MCM10: variants seen among roughly 807,000 people sequenced by gnomAD.
The protein encoded by MCM10 is minichromosome maintenance 10 replication initiation factor, also known as protein MCM10 homolog.
In MCM10, 91 loss-of-function variants were observed where a neutral mutation model predicts 109.9. That is an observed-to-expected ratio of 0.83 (90% CI 0.70 to 0.99). The LOEUF is 0.99. Ranked by LOEUF, MCM10 falls within the 50% of genes least tolerant of loss-of-function variation. The pLI is 0.00. For missense variants in MCM10, 1,077 were observed against 1,061.2 expected (o/e 1.01, Z -0.21); for synonymous variants, 380 against 387.2 (o/e 0.98, Z 0.22).
chr10:13,204,614 A>C (rs529781469), intron 18 of MCM10: 2 of 388,474 alleles, frequency 5.1e-6, no homozygotes, highest in African/African-American at 4.0e-5. Flanking sequence ...TGTTGAATAA[A>C]TAAGTGAAGA....
At chr10:13,207,005 G>A (rs1475246076) in intron 18 of MCM10, among the ~76,000 whole-genome samples, 2 of 152,038 alleles carry the variant, frequency 1.3e-5, no homozygotes, top group African/African-American at 2.4e-5. Context: ...TAGAGACAAG[G>A]TCTCACTATG....
At chr10:13,175,304 A>G (rs753522927) in intron 5 of MCM10, among the ~76,000 whole-genome samples, 2 of 152,090 alleles carry the variant, frequency 1.3e-5, no homozygotes, top group Non-Finnish European at 2.9e-5. Flanking sequence ...ATGGTGGCAC[A>G]TACCTGTGTT....
intron 5 of MCM10, among the ~76,000 whole-genome samples, chr10:13,173,091 A>G (rs1442122940): frequency 6.6e-6 from 1 of 152,016 alleles, no homozygotes; most frequent in Non-Finnish European, 1.5e-5. Context: ...AGTCTCAGCT[A>G]CCTGAGAGGC....
At chr10:13,170,032 A>T (rs568654128) in intron 2 of MCM10, among the ~76,000 whole-genome samples, 1 of 152,356 alleles carries the variant, frequency 6.6e-6, no homozygotes, top group Admixed American at 6.5e-5. Context: ...ATTTGGGTTA[A>T]TCTTACAAGC....
chr10:13,183,503 T>G (rs1834236015), intron 8 of MCM10, among the ~76,000 whole-genome samples: 1 of 152,180 alleles, frequency 6.6e-6, no homozygotes, highest in African/African-American at 2.4e-5. Flanking sequence ...AGTCATGCTT[T>G]TATGTGATTG....
intron 9 of MCM10, among the ~76,000 whole-genome samples, chr10:13,188,161 G>T (rs1277568578): frequency 6.6e-6 from 1 of 151,884 alleles, no homozygotes; most frequent in Admixed American, 6.6e-5. Flanking sequence ...AAAATCCATT[G>T]TCGCCGTAAC....
At chr10:13,180,746 T>A in intron 7 of MCM10, 139 bp downstream of exon 7, 3 of 980,348 alleles carry the variant, frequency 3.1e-6, no homozygotes, top group Non-Finnish European at 4.7e-6. Flanking sequence ...CCACACATCA[T>A]TGAGTTGGTA....
At chr10:13,166,304 G>A (rs536372855) in intron 2 of MCM10, among the ~76,000 whole-genome samples, 38 of 152,062 alleles carry the variant, frequency 2.5e-4, no homozygotes, top group Non-Finnish European at 4.4e-4. Flanking sequence ...TGGGAGTGAA[G>A]GATGAGGAAG....
At chr10:13,192,128 T>G (rs1226926959) in intron 11 of MCM10, 127 bp from the exon 12 acceptor site, 1 of 618,962 alleles carries the variant, frequency 1.6e-6, no homozygotes, top group Non-Finnish European at 2.9e-6. Context: ...TTCTTTCCTC[T>G]TGGGATTCCG....
In MCM10 at chr10:13,203,232, C is replaced by T. The variant is rs760403987; in HGVS notation, c.2353-987C>T. On this transcript the variant is annotated intron_variant, in intron 17 of 19. Transcript: ENST00000378714. ...TAGCCAGGGCCAGGTTTCCTGCAGA[C>T]GGGGCTGCAGTAGGGGAGAATCATC... Among the ~76,000 whole-genome samples, 5 of 152,084 alleles carry T rather than the reference C, an allele frequency of 3.3e-5. 1 individual carries two copies. The highest frequency in any genetic ancestry group is 4.8e-5 in the African/African-American group (2 of 41,414).
intron 17 of MCM10, among the ~76,000 whole-genome samples, chr10:13,203,063 T>C: frequency 6.6e-6 from 1 of 152,168 alleles, no homozygotes; most frequent in East Asian, 1.9e-4. Context: ...CATGCTGGTC[T>C]GGAACTCCTG....
intron 9 of MCM10, among the ~76,000 whole-genome samples, chr10:13,186,525 A>G (rs1305844118): frequency 6.6e-6 from 1 of 152,216 alleles, no homozygotes; most frequent in Non-Finnish European, 1.5e-5. Flanking sequence ...TTTAAGACAG[A>G]ATTTTTGTTT....
intron 6 of MCM10, among the ~76,000 whole-genome samples, chr10:13,179,247 G>A (rs1422989014): frequency 1.3e-5 from 2 of 152,076 alleles, no homozygotes; most frequent in African/African-American, 4.8e-5. Context: ...TTTGCCTACT[G>A]TGTATGTGTG....
At chr10:13,202,840 A>G (rs1297779066) in intron 17 of MCM10, among the ~76,000 whole-genome samples, 3 of 151,890 alleles carry the variant, frequency 2.0e-5, no homozygotes, top group African/African-American at 7.3e-5. Context: ...TTATTTTATT[A>G]TGTATTTATT....
At chr10:13,190,488 C>T (rs185428834) in intron 10 of MCM10, among the ~76,000 whole-genome samples, 26 of 151,534 alleles carry the variant, frequency 1.7e-4, no homozygotes, top group African/African-American at 5.1e-4. Flanking sequence ...ATTTGAGACC[C>T]GCCTGAGCGA....
intron 6 of MCM10, among the ~76,000 whole-genome samples, chr10:13,178,526 AC>A (rs1277394989): frequency 6.6e-6 from 1 of 152,090 alleles, no homozygotes; most frequent in Non-Finnish European, 1.5e-5. Flanking sequence ...TGTTCTTTGC[AC>A]CTTTGTTGAA....
At position 13,195,107 on chromosome 10, in the gene MCM10, T is replaced by C; in HGVS notation, c.1812T>C (p.Ala604=). 3 of 1,614,180 alleles carry C rather than the reference T, an allele frequency of 1.9e-6. No homozygotes were observed. The highest frequency in any genetic ancestry group is 2.5e-6 in the Non-Finnish European group (3 of 1,180,026). ...AVPSSSRQPP[A]QPPRTGSEFP... ...CATCTTCATCAAGACAGCCCCCTGC[T>C]CAGCCTCCACGGACAGGATCCGAGT... Residue 604 remains alanine (A), a synonymous_variant, in exon 14 of 20, where the codon GCT becomes GCC. Transcript: ENST00000378714.
At position 13,198,681 on chromosome 10, in the gene MCM10, T is replaced by C. The variant is rs1183778607; in HGVS notation, c.2120-8T>C. 1 of 1,582,436 alleles carries C rather than the reference T, an allele frequency of 6.3e-7. No homozygotes were observed. The highest frequency in any genetic ancestry group is 8.7e-7 in the Non-Finnish European group (1 of 1,151,508). ...GGTCGCTGCTAATGTTTGTTCCTTG[T>C]GCCCTAGCTGAGGATGAATTGGAGC... On this transcript the variant is annotated splice_polypyrimidine_tract_variant and splice_region_variant and intron_variant, in intron 15 of 19. Coordinates refer to ENST00000378714, the MANE Select transcript of MCM10 (RefSeq NM_018518.5).
chr10:13,209,447 C>T lies in MCM10; in HGVS notation c.*137C>T. The T allele has an allele frequency of 1.4e-6, 1 of 693,118 alleles. No homozygotes were observed. Among genetic ancestry groups the T allele is most frequent in the East Asian group, 2.7e-5 (1 of 36,978 alleles). The allele number at this position is 693,118 out of a possible 1,614,324, so 42.9% of individuals were successfully genotyped here. On this transcript the variant is annotated 3_prime_UTR_variant, in exon 20 of 20. Transcript: ENST00000378714. The stretch of plus-strand genomic sequence containing the variant: ...TGCTTGTTAAGCCCATAAGCTTTGC[C>T]TGCTTACTTTCTGCCATTGGGTTGG...
Sources: allele counts gnomAD v4.1 joint callset (sites outside exome capture counted in the v4.1 genomes callset), GRCh38; gene constraint gnomAD v4.1.1; transcripts MANE v1.5; gene names NCBI Gene and HGNC (gene_info 2026-07-23, HGNC 2026-07-21).